Variants in RABGAP1L observed in about 807,000 individuals in gnomAD.
The protein encoded by RABGAP1L is rab GTPase-activating protein 1-like.
A neutral mutation model predicts 137.7 loss-of-function variants in RABGAP1L; 63 were observed. The ratio of observed to expected loss-of-function variants is 0.46; its 90% confidence interval spans 0.37 to 0.56. RABGAP1L has a LOEUF of 0.56. Ranked by LOEUF, RABGAP1L falls within the 20% of genes least tolerant of loss-of-function variation. The pLI, the probability that RABGAP1L is intolerant of heterozygous loss-of-function variation, is 0.00. For synonymous variants in RABGAP1L, 431 were observed against 433.7 expected (o/e 0.99, Z 0.08); for missense variants, 1,095 against 1,244.0 (o/e 0.88, Z 1.80).
At chr1:174,908,574 A>T (rs1413637689) in intron 19 of RABGAP1L, among the ~76,000 whole-genome samples, 2 of 121,950 alleles carry the variant, frequency 1.6e-5, no homozygotes, top group Non-Finnish European at 3.2e-5. Flanking sequence ...AGGGAGTCTC[A>T]CTTTGTTGCC....
At chr1:174,300,141 C>G (rs1677531176) in intron 10 of RABGAP1L, among the ~76,000 whole-genome samples, 1 of 152,152 alleles carries the variant, frequency 6.6e-6, no homozygotes, top group African/African-American at 2.4e-5. Context: ...GACAGAACAT[C>G]ATTTTGGCAA....
chr1:174,450,687 A>G (rs557996291), intron 13 of RABGAP1L, among the ~76,000 whole-genome samples: 1 of 152,248 alleles, frequency 6.6e-6, no homozygotes, highest in East Asian at 1.9e-4. Flanking sequence ...AGATGTAGCA[A>G]AGTAGCATTT....
chr1:174,237,910 A>G (rs1392128174), intron 4 of RABGAP1L, among the ~76,000 whole-genome samples: 15 of 149,936 alleles, frequency 1.0e-4, no homozygotes, highest in African/African-American at 2.7e-4. Flanking sequence ...AGGTACACCA[A>G]TCAGACGTAG....
At chr1:174,410,891 T>C (rs1553296739) in intron 13 of RABGAP1L, among the ~76,000 whole-genome samples, 2 of 152,210 alleles carry the variant, frequency 1.3e-5, no homozygotes, top group Non-Finnish European at 2.9e-5. Flanking sequence ...TTTTTAAAAA[T>C]TGTTTCTGTC....
rs1220795412 is a variant in RABGAP1L, at chr1:174,987,788, G to A, written c.2806-853G>A. 1.3e-4 allele frequency among the ~76,000 whole-genome samples: 20 copies of A among 152,130 alleles called. 1 individual carries two copies. Among genetic ancestry groups the A allele is most frequent in the Admixed American group, 1.3e-3 (20 of 15,274 alleles). On this transcript the variant is annotated intron_variant, in intron 24 of 25. Coordinates refer to ENST00000681986, the MANE Select transcript of RABGAP1L (RefSeq NM_001366446.1). ...GTGCTGTGTGCCCGATTGGCAATGC[G>A]GGCATGTGGTAGAGTTATTTTATTT...
chr1:174,399,287 T>C (rs1416154291), intron 13 of RABGAP1L, among the ~76,000 whole-genome samples: 3 of 152,064 alleles, frequency 2.0e-5, no homozygotes, highest in Admixed American at 1.3e-4. Context: ...TGTGGGTACT[T>C]TGGTGGTGAA....
At chr1:174,575,396 C>CT (rs1205810871) in intron 13 of RABGAP1L, among the ~76,000 whole-genome samples, 1 of 152,128 alleles carries the variant, frequency 6.6e-6, no homozygotes, top group Non-Finnish European at 1.5e-5. Context: ...TGGGGGAAGT[C>CT]TTGAGTTTTG....
chr1:174,548,423 CT>C (rs1156961442), intron 13 of RABGAP1L: 8 of 963,480 alleles, frequency 8.3e-6, no homozygotes, highest in Non-Finnish European at 1.0e-5. Flanking sequence ...AAACTCTGAA[CT>C]TGCTTTTGCT....
At chr1:174,465,451 C>T (rs1266220937) in intron 13 of RABGAP1L, among the ~76,000 whole-genome samples, 4 of 152,230 alleles carry the variant, frequency 2.6e-5, no homozygotes, top group East Asian at 1.9e-4. Context: ...CCACCCACTT[C>T]GGCCTCCCAA....
At chr1:174,169,132 C>G (rs1017251533) in intron 1 of RABGAP1L, among the ~76,000 whole-genome samples, 6 of 152,144 alleles carry the variant, frequency 3.9e-5, no homozygotes, top group African/African-American at 1.4e-4. Flanking sequence ...TCAACATTAT[C>G]AATAGCTTTG....
chr1:174,584,838 G>T (rs1668999777), intron 13 of RABGAP1L, among the ~76,000 whole-genome samples: 1 of 148,832 alleles, frequency 6.7e-6, no homozygotes, highest in Non-Finnish European at 1.5e-5. Flanking sequence ...ATGTGTATGT[G>T]TTTTTTTTTT....
intron 19 of RABGAP1L, among the ~76,000 whole-genome samples, 193 bp from the exon 20 acceptor site, chr1:174,957,264 G>A (rs1668629117): frequency 6.6e-6 from 1 of 152,168 alleles, no homozygotes; most frequent in Non-Finnish European, 1.5e-5. Flanking sequence ...TGGCCCACAA[G>A]GCCTAAAATA....
chr1:174,171,557 C>T (rs532389052), intron 1 of RABGAP1L, among the ~76,000 whole-genome samples: 9 of 152,168 alleles, frequency 5.9e-5, no homozygotes, highest in South Asian at 2.1e-4. Context: ...TTATAGACTT[C>T]GCGCTATACA....
At chr1:174,450,646 A>T (rs1249788708) in intron 13 of RABGAP1L, among the ~76,000 whole-genome samples, 1 of 152,128 alleles carries the variant, frequency 6.6e-6, no homozygotes, top group Admixed American at 6.5e-5. Flanking sequence ...TGCCTGCTAC[A>T]TGGGGTTGTG....
intron 19 of RABGAP1L, among the ~76,000 whole-genome samples, chr1:174,953,808 CCTT>C (rs1338836506): frequency 6.6e-6 from 1 of 152,166 alleles, no homozygotes; most frequent in Non-Finnish European, 1.5e-5. Flanking sequence ...AGGACGCAAA[CCTT>C]CTGAAAGGTC....
In RABGAP1L at chr1:174,859,966, T is replaced by C. The variant is rs546574499; in HGVS notation, c.2340+48006T>C. On this transcript the variant is annotated intron_variant, in intron 19 of 25. Coordinates refer to ENST00000681986, the MANE Select transcript of RABGAP1L (RefSeq NM_001366446.1). Reference sequence around the variant, plus strand: ...TTTAGTCCAATGCTTTTTTTTTTTTTTTTTTTTTTTCCAAATAAAGTAAGA... The same window carrying C: ...TTTAGTCCAATGCTTTTTTTTTTTTCTTTTTTTTTTCCAAATAAAGTAAGA... Among the ~76,000 whole-genome samples the C allele has an allele frequency of 7.4e-3, 950 of 128,766 alleles. 8 individuals carry two copies. The highest frequency in any genetic ancestry group is 0.026 in the South Asian group (107 of 4,114). The allele number at this position is 128,766 out of a possible 152,430, so 84.5% of individuals were successfully genotyped here. A position where few individuals can be genotyped will look rare whatever the true frequency, so the allele number is the denominator to read the frequency against.
chr1:174,989,341 T>C (rs1287530562), intron 25 of RABGAP1L, among the ~76,000 whole-genome samples: 1 of 152,224 alleles, frequency 6.6e-6, no homozygotes, highest in Non-Finnish European at 1.5e-5. Flanking sequence ...TCTGATGGAC[T>C]CTTCTTCATT....
At chr1:174,776,051 A>G (rs1303803224) in intron 18 of RABGAP1L, among the ~76,000 whole-genome samples, 3 of 152,092 alleles carry the variant, frequency 2.0e-5, no homozygotes, top group African/African-American at 4.8e-5. Flanking sequence ...ACCATTTTCC[A>G]TTGTCCTCCA....
chr1:174,726,878 A>G (rs1333205682), intron 17 of RABGAP1L, among the ~76,000 whole-genome samples: 4 of 152,280 alleles, frequency 2.6e-5, no homozygotes, highest in African/African-American at 9.6e-5. Context: ...TTATTTTTAT[A>G]TCTGATTATT....
Sources: gnomAD v4.1 joint callset for allele counts (sites outside exome capture counted in the v4.1 genomes callset) on GRCh38, gnomAD v4.1.1 for gene constraint, MANE v1.5 for transcripts, NCBI Gene and HGNC (gene_info 2026-07-23, HGNC 2026-07-21) for gene names.